The following EDIL3 variants were observed in gnomAD, a reference collection of about 807,000 sequenced individuals.
The protein encoded by EDIL3 is EGF like and discoidin domains 3.
EDIL3 carries 37 observed loss-of-function variants against 67.4 expected under a neutral mutation model. The observed-to-expected ratio is 0.55, with a 90% CI of 0.42 to 0.72. EDIL3 has a LOEUF of 0.72. Ranked by LOEUF, EDIL3 falls within the 30% of genes least tolerant of loss-of-function variation. The pLI is 0.00. For missense variants in EDIL3, 527 were observed against 586.3 expected (o/e 0.90, Z 1.04); for synonymous variants, 195 against 196.3 (o/e 0.99, Z 0.05).
intron 3 of EDIL3, among the ~76,000 whole-genome samples, chr5:84,209,837 T>G (rs342411): frequency 3.1e-4 from 47 of 152,020 alleles, no homozygotes; most frequent in Non-Finnish European, 5.7e-4. Context: ...ATATTTTTCA[T>G]AGCAATCTAC....
intron 6 of EDIL3, among the ~76,000 whole-genome samples, chr5:84,077,880 C>T (rs974495488): frequency 2.3e-4 from 34 of 150,680 alleles, no homozygotes; most frequent in Non-Finnish European, 1.5e-5. Flanking sequence ...CACATAGACA[C>T]ACACACAATG....
intron 3 of EDIL3, among the ~76,000 whole-genome samples, chr5:84,199,596 A>T (rs147688388): frequency 1.2e-3 from 175 of 152,160 alleles, no homozygotes; most frequent in Middle Eastern, 3.4e-3. Flanking sequence ...AAGAGAAAAT[A>T]ATGTGAGGGG....
chr5:84,172,561 G>A (rs1473274661), intron 4 of EDIL3, among the ~76,000 whole-genome samples: 1 of 151,896 alleles, frequency 6.6e-6, no homozygotes, highest in Admixed American at 6.6e-5. Context: ...CAGACTGGGT[G>A]ACAGAGTGAG....
chr5:84,058,543 T>C (rs895430972), intron 9 of EDIL3, among the ~76,000 whole-genome samples: 1 of 152,110 alleles, frequency 6.6e-6, no homozygotes, highest in Non-Finnish European at 1.5e-5. Flanking sequence ...TTTGAGTCAT[T>C]TTTTCATAGT....
chr5:84,115,431 T>G (rs753128194), intron 5 of EDIL3, among the ~76,000 whole-genome samples: 8 of 152,218 alleles, frequency 5.3e-5, no homozygotes, highest in Non-Finnish European at 8.8e-5. Context: ...ATAAAAATTG[T>G]CTATTAATAT....
chr5:84,286,566 T>G (rs1028181779), intron 1 of EDIL3, among the ~76,000 whole-genome samples: 1 of 152,184 alleles, frequency 6.6e-6, no homozygotes, highest in Non-Finnish European at 1.5e-5. Flanking sequence ...CTTTTTTATT[T>G]TGTTAAACTT....
intron 9 of EDIL3, among the ~76,000 whole-genome samples, chr5:84,000,921 AT>A (rs1395862206): frequency 6.6e-6 from 1 of 151,860 alleles, no homozygotes; most frequent in Admixed American, 6.6e-5. Context: ...AAATTTAAAA[AT>A]TTTTTGAAAC....
chr5:84,208,451 G>T (rs978890851), intron 3 of EDIL3, among the ~76,000 whole-genome samples: 1 of 151,378 alleles, frequency 6.6e-6, no homozygotes, highest in African/African-American at 2.4e-5. Context: ...AGGCCGAGGC[G>T]GGTGGATCAT....
rs1443912970 is a variant in EDIL3, at chr5:84,002,912, GC to G, written c.1138-39553del. Among the ~76,000 whole-genome samples, 4 of 152,196 alleles carry G rather than the reference GC, an allele frequency of 2.6e-5. No homozygotes were observed. The East Asian group carries it at 7.8e-4, about 29-fold the overall frequency. On this transcript the variant is annotated intron_variant, in intron 9 of 10. Coordinates refer to ENST00000296591, the MANE Select transcript of EDIL3 (RefSeq NM_005711.5). ...CAACCCCTGCTCTTCTCTAGGCAGG[GC>G]CCCTGGTTTGGGCCCACAGCACAGT...
intron 3 of EDIL3, among the ~76,000 whole-genome samples, chr5:84,204,950 T>C (rs957976498): frequency 2.0e-5 from 3 of 152,180 alleles, no homozygotes; most frequent in Non-Finnish European, 2.9e-5. Flanking sequence ...TCTTGCTCTG[T>C]TGCCCAGGCT....
In EDIL3 at chr5:84,180,352, A is replaced by G. The variant is rs368045429; in HGVS notation, c.355+41T>C. On this transcript the variant is annotated intron_variant, in intron 4 of 10. Coordinates refer to ENST00000296591, the MANE Select transcript of EDIL3 (RefSeq NM_005711.5). ...AATGATGATGGCTTGTATACTTTGT[A>G]ATCAATAATAATAAAAGTACAATGA... is the stretch of plus-strand genomic sequence containing the variant. 1.5e-5 allele frequency: 23 copies of G among 1,536,088 alleles called. No individual in the cohort carries two copies. In the African/African-American group the frequency reaches 2.9e-4, roughly 19 times the overall value.
chr5:84,374,174 C>T (rs1160978706), intron 1 of EDIL3, among the ~76,000 whole-genome samples: 1 of 150,400 alleles, frequency 6.6e-6, no homozygotes, highest in Non-Finnish European at 1.5e-5. Context: ...AGCAGTATGC[C>T]AACCTCTCCT....
chr5:84,286,302 G>C (rs555883450), intron 1 of EDIL3, among the ~76,000 whole-genome samples: 1 of 152,096 alleles, frequency 6.6e-6, no homozygotes, highest in Admixed American at 6.6e-5. Context: ...AGAGAGTAGG[G>C]AGTCATAGAG....
At chr5:84,160,759 C>T (rs1270968370) in intron 4 of EDIL3, among the ~76,000 whole-genome samples, 11 of 34,906 alleles carry the variant, frequency 3.2e-4, no homozygotes, top group East Asian at 3.4e-3. Context: ...CCTTTCCTTT[C>T]CTTTCCTTTC....
At chr5:84,332,385 G>A (rs1411097742) in intron 1 of EDIL3, among the ~76,000 whole-genome samples, 1 of 152,022 alleles carries the variant, frequency 6.6e-6, no homozygotes, top group African/African-American at 2.4e-5. Context: ...AAAAAGTTGA[G>A]GAGGTGGATA....
In EDIL3 at chr5:84,025,360, T is replaced by C. The variant is rs1330721689; in HGVS notation, c.1137+34940A>G. Among the ~76,000 whole-genome samples the C allele has an allele frequency of 2.0e-5, 3 of 152,032 alleles. No homozygotes were observed. The East Asian group carries it at 5.8e-4, about 29-fold the overall frequency. Reference sequence around the variant, plus strand: ...ACATCACTCCCATTACCGCCTGAGCTCCACCTCCTGTCAGATCAGCAGATC... The same window carrying C: ...ACATCACTCCCATTACCGCCTGAGCCCCACCTCCTGTCAGATCAGCAGATC... On this transcript the variant is annotated intron_variant, in intron 9 of 10. Coordinates refer to ENST00000296591, the MANE Select transcript of EDIL3 (RefSeq NM_005711.5).
At chr5:84,268,485 T>C (rs916755512) in intron 1 of EDIL3, among the ~76,000 whole-genome samples, 2 of 152,170 alleles carry the variant, frequency 1.3e-5, no homozygotes, top group African/African-American at 2.4e-5. Context: ...ATTTCAGACA[T>C]AGATATCAAT....
intron 1 of EDIL3, among the ~76,000 whole-genome samples, chr5:84,334,942 T>A (rs1746955799): frequency 6.6e-6 from 1 of 152,216 alleles, no homozygotes; most frequent in South Asian, 2.1e-4. Context: ...ATTTTGTTAG[T>A]AATTATGCAA....
chr5:84,198,834 G>C (rs1420189667), intron 3 of EDIL3, among the ~76,000 whole-genome samples: 1 of 152,016 alleles, frequency 6.6e-6, no homozygotes, highest in East Asian at 1.9e-4. Context: ...TAGTAATGAA[G>C]ATCCCTAGCC....
Sources: allele counts gnomAD v4.1 joint callset (sites outside exome capture counted in the v4.1 genomes callset), GRCh38; gene constraint gnomAD v4.1.1; transcripts MANE v1.5; gene names NCBI Gene and HGNC (gene_info 2026-07-23, HGNC 2026-07-21).